The following CSMD3 variants were observed in gnomAD, a reference collection of about 807,000 sequenced individuals.
CSMD3 encodes the protein CUB and sushi domain-containing protein 3.
Under a neutral mutation model 435.2 loss-of-function variants are expected in CSMD3, and 177 were observed. The ratio of observed to expected loss-of-function variants is 0.41; its 90% CI spans 0.36 to 0.46. The LOEUF (loss-of-function observed/expected upper bound fraction) is 0.46. Ranked by LOEUF, CSMD3 falls within the 20% of genes least tolerant of loss-of-function variation. The pLI is 0.34. For missense variants in CSMD3, 4,265 were observed against 4,504.6 expected, an observed-to-expected ratio of 0.95 and a Z score of 1.52; for synonymous variants, 1,656 against 1,520.5, an observed-to-expected ratio of 1.09 and a Z score of -2.07.
At chr8:113,047,083 A>C (rs1174341865) in intron 5 of CSMD3, among the ~76,000 whole-genome samples, 1 of 152,224 alleles carries the variant, frequency 6.6e-6, no homozygotes, top group Non-Finnish European at 1.5e-5. Context: ...CCACGGAAGA[A>C]GAGGAAGTTC....
chr8:112,619,063 G>A (rs1833868430), intron 22 of CSMD3, among the ~76,000 whole-genome samples: 4 of 151,952 alleles, frequency 2.6e-5, no homozygotes, highest in Non-Finnish European at 5.9e-5. Flanking sequence ...CTGTTATGAG[G>A]ATGACATATA....
chr8:112,390,306 A>G (rs1435394407), intron 36 of CSMD3, among the ~76,000 whole-genome samples: 4 of 152,196 alleles, frequency 2.6e-5, no homozygotes, highest in Non-Finnish European at 4.4e-5. Context: ...TCAAGACCTC[A>G]GGAGAAGGTG....
rs142732583 is a variant in CSMD3, at chr8:112,421,340, C to T, written c.5396-12308G>A. ...GGAGGATCACTTTAGGTCAGGAGTT[C>T]GAGACCAGCCTGGCCAACATGATGA... On this transcript the variant is annotated intron_variant, in intron 32 of 70. Transcript: ENST00000297405. 3.4e-3 allele frequency among the ~76,000 whole-genome samples: 519 copies of T among 151,714 alleles called. 14 individuals are homozygous for T. In the East Asian group the frequency reaches 0.068, roughly 20 times the overall value.
intron 3 of CSMD3, among the ~76,000 whole-genome samples, chr8:113,268,646 CCA>C (rs2093492715): frequency 6.6e-6 from 1 of 151,978 alleles, no homozygotes; most frequent in Non-Finnish European, 1.5e-5. Context: ...ATATCAACTT[CCA>C]CAGTTTTAAA....
intron 23 of CSMD3, among the ~76,000 whole-genome samples, chr8:112,581,538 A>G (rs1482587565): frequency 6.6e-6 from 1 of 152,102 alleles, no homozygotes; most frequent in East Asian, 1.9e-4. Flanking sequence ...AACAATAACA[A>G]TTGAACTTAA....
At chr8:113,066,317 T>TGGAAG (rs1171655783) in intron 5 of CSMD3, among the ~76,000 whole-genome samples, 1 of 151,814 alleles carries the variant, frequency 6.6e-6, no homozygotes. Flanking sequence ...GAATATTAGG[T>TGGAAG]GGAGGCTTCA....
At chr8:112,858,697 A>G (rs2080736968) in intron 11 of CSMD3, among the ~76,000 whole-genome samples, 1 of 151,876 alleles carries the variant, frequency 6.6e-6, no homozygotes, top group Admixed American at 6.6e-5. Context: ...ATTCTTTATT[A>G]GTGCAGAGCA....
chr8:112,488,916 T>C (rs1820408100), intron 31 of CSMD3, among the ~76,000 whole-genome samples: 1 of 152,140 alleles, frequency 6.6e-6, no homozygotes, highest in Non-Finnish European at 1.5e-5. Flanking sequence ...AATCTTCAGC[T>C]TCTGACCAAT....
intron 1 of CSMD3, among the ~76,000 whole-genome samples, chr8:113,374,053 C>T (rs1437486980): frequency 6.6e-6 from 1 of 151,864 alleles, no homozygotes; most frequent in Non-Finnish European, 1.5e-5. Context: ...CTCTCTCTCT[C>T]CACATATATC....
At chr8:112,523,644 A>G (rs1824543060) in intron 27 of CSMD3, among the ~76,000 whole-genome samples, 1 of 152,066 alleles carries the variant, frequency 6.6e-6, no homozygotes, top group African/African-American at 2.4e-5. Context: ...AATCTCATCC[A>G]GAGTCAAATC....
At chr8:112,500,017 G>A (rs990608721) in intron 30 of CSMD3, among the ~76,000 whole-genome samples, 5 of 152,078 alleles carry the variant, frequency 3.3e-5, no homozygotes, top group Non-Finnish European at 7.4e-5. Flanking sequence ...GCTGAGGGAC[G>A]AGAATTGCTT....
intron 38 of CSMD3, among the ~76,000 whole-genome samples, chr8:112,375,740 C>A (rs907204074): frequency 4.6e-5 from 7 of 152,026 alleles, no homozygotes; most frequent in African/African-American, 1.7e-4. Flanking sequence ...ACACAAGAAT[C>A]TTTTTAAAGT....
intron 1 of CSMD3, among the ~76,000 whole-genome samples, chr8:113,399,749 C>G (rs2094501367): frequency 6.6e-6 from 1 of 151,800 alleles, no homozygotes; most frequent in Non-Finnish European, 1.5e-5. Flanking sequence ...GTGGAGATGA[C>G]TGTACAACCC....
At chr8:112,446,017 T>G (rs556796361) in intron 32 of CSMD3, among the ~76,000 whole-genome samples, 1 of 152,338 alleles carries the variant, frequency 6.6e-6, no homozygotes, top group South Asian at 2.1e-4. Context: ...ATATCTTTTC[T>G]TCAAGAATAT....
chr8:112,510,646 C>T (rs1303509739), intron 28 of CSMD3, among the ~76,000 whole-genome samples: 9 of 152,094 alleles, frequency 5.9e-5, no homozygotes, highest in African/African-American at 4.8e-5. Flanking sequence ...TAATATTCCA[C>T]TCAGGTGTCA....
intron 13 of CSMD3, among the ~76,000 whole-genome samples, chr8:112,704,803 A>T (rs560486941): frequency 6.6e-6 from 1 of 152,148 alleles, no homozygotes; most frequent in Non-Finnish European, 1.5e-5. Flanking sequence ...TAGTAGTAAT[A>T]TATTTCCTGA....
intron 5 of CSMD3, among the ~76,000 whole-genome samples, chr8:113,044,966 A>G (rs2087768806): frequency 6.7e-6 from 1 of 149,206 alleles, no homozygotes; most frequent in Admixed American, 6.7e-5. Context: ...ATCCTTAAAT[A>G]TTCAGCTCAA....
chr8:112,810,282 G>A (rs2079189386), intron 12 of CSMD3, among the ~76,000 whole-genome samples: 1 of 152,000 alleles, frequency 6.6e-6, no homozygotes, highest in Non-Finnish European at 1.5e-5. Flanking sequence ...ACTAATATGT[G>A]TCTAAATATT....
At chr8:112,715,077 C>A (rs553143244) in intron 13 of CSMD3, among the ~76,000 whole-genome samples, 80 of 151,630 alleles carry the variant, frequency 5.3e-4, no homozygotes, top group African/African-American at 1.8e-3. Flanking sequence ...TTATTCAGGG[C>A]AGAATTGAAG....
Sources: gnomAD v4.1 joint callset for allele counts (sites outside exome capture counted in the v4.1 genomes callset) on GRCh38, gnomAD v4.1.1 for gene constraint, MANE v1.5 for transcripts, NCBI Gene and HGNC (gene_info 2026-07-23, HGNC 2026-07-21) for gene names.